Variants in ARHGAP10 observed in about 807,000 individuals in gnomAD.
ARHGAP10 encodes the protein rho GTPase-activating protein 10.
In ARHGAP10, 87 loss-of-function variants were observed where a neutral mutation model predicts 108.6. The ratio of observed to expected loss-of-function variants is 0.80; its 90% CI spans 0.67 to 0.96. ARHGAP10 has a LOEUF of 0.96. Ranked by LOEUF, ARHGAP10 falls within the 40% of genes least tolerant of loss-of-function variation. ARHGAP10 has a pLI of 0.00. For synonymous variants in ARHGAP10, 347 were observed against 341.1 expected, an observed-to-expected ratio of 1.02 and a Z score of -0.19; for missense variants, 939 against 954.5, an observed-to-expected ratio of 0.98 and a Z score of 0.21.
intron 3 of ARHGAP10, among the ~76,000 whole-genome samples, chr4:147,846,503 A>G (rs1353444004): frequency 1.3e-5 from 2 of 152,170 alleles, no homozygotes; most frequent in East Asian, 3.8e-4. Context: ...TTGTGGCTTA[A>G]CATGAAAATC....
Position 147,994,454 on chromosome 4 carries a change from G to C in ARHGAP10, c.1716+27615G>C, listed in dbSNP as rs190660298. 1.6e-3 allele frequency among the ~76,000 whole-genome samples: 238 copies of C among 152,322 alleles called. 1 individual carries two copies. The highest frequency in any genetic ancestry group is 5.1e-3 in the African/African-American group (214 of 41,576). Reference sequence around the variant, plus strand: ...TTACCAGAAGTGCACATGGGCTACAGATTTTAGCCTGTGCCAAAGTAAATC... The same window carrying C: ...TTACCAGAAGTGCACATGGGCTACACATTTTAGCCTGTGCCAAAGTAAATC... On this transcript the variant is annotated intron_variant, in intron 18 of 22. Coordinates refer to ENST00000336498, the MANE Select transcript of ARHGAP10 (RefSeq NM_024605.4).
At chr4:147,832,697 A>G (rs1733005233) in intron 3 of ARHGAP10, among the ~76,000 whole-genome samples, 1 of 146,730 alleles carries the variant, frequency 6.8e-6, no homozygotes, top group Non-Finnish European at 1.5e-5. Flanking sequence ...TGGAGTTTCT[A>G]CATCACTAAA....
At chr4:147,877,819 C>CTTTTTTTTTTTTTTTTTTTTTTTT (rs549355620) in intron 8 of ARHGAP10, among the ~76,000 whole-genome samples, 7 of 131,464 alleles carry the variant, frequency 5.3e-5, no homozygotes, top group African/African-American at 2.2e-4. Context: ...ATTCTTCATA[C>CTTTTTTTTTTTTTTTTTTTTTTTT]TTTTTTTTTT....
chr4:147,748,637 A>G (rs2126688944), intron 1 of ARHGAP10, among the ~76,000 whole-genome samples: 1 of 152,330 alleles, frequency 6.6e-6, no homozygotes, highest in Non-Finnish European at 1.5e-5. Flanking sequence ...GTGTATGCTT[A>G]TCTGCAAACA....
intron 18 of ARHGAP10, among the ~76,000 whole-genome samples, chr4:147,992,522 A>G (rs529105260): frequency 6.6e-6 from 1 of 152,082 alleles, no homozygotes; most frequent in East Asian, 1.9e-4. Flanking sequence ...ATTCTCTTGT[A>G]GCCCTCCTGA....
chr4:147,737,326 CT>C (rs5862810), intron 1 of ARHGAP10, among the ~76,000 whole-genome samples: 2,797 of 133,018 alleles, frequency 0.021, 22 homozygotes, highest in African/African-American at 0.032. Flanking sequence ...AATTTTTGTA[CT>C]TTTTTTTTTT....
At chr4:147,749,745 G>C (rs1056841702) in intron 1 of ARHGAP10, among the ~76,000 whole-genome samples, 7 of 152,178 alleles carry the variant, frequency 4.6e-5, no homozygotes, top group African/African-American at 1.7e-4. Flanking sequence ...TTGACAGTAG[G>C]TAGCTATTTG....
rs1730770097 is a variant in ARHGAP10 at position 147,784,739 on chromosome 4, TTA to T, written c.155-37985_155-37984del. Among the ~76,000 whole-genome samples the T allele has an allele frequency of 1.2e-4, 3 of 24,490 alleles. 1 individual carries two copies. The highest frequency in any genetic ancestry group is 1.9e-4 in the African/African-American group (3 of 15,794). 16.1% of individuals were successfully genotyped at this position (24,490 alleles called of 152,430 possible). On this transcript the variant is annotated intron_variant, in intron 1 of 22. Transcript: ENST00000336498. The stretch of plus-strand genomic sequence containing the variant: ...AATATAATATATTATAAAATATATA[TTA>T]TAAATATATATTATAAAATGTATAT...
At chr4:147,847,985 AC>A (rs1733702741) in intron 4 of ARHGAP10, among the ~76,000 whole-genome samples, 1 of 152,136 alleles carries the variant, frequency 6.6e-6, no homozygotes, top group Non-Finnish European at 1.5e-5. Context: ...CATGCTGTTG[AC>A]CATTTTTGGC....
chr4:148,046,426 C>T (rs1728886937), intron 19 of ARHGAP10, among the ~76,000 whole-genome samples: 1 of 152,116 alleles, frequency 6.6e-6, no homozygotes, highest in Non-Finnish European at 1.5e-5. Context: ...TCCAAGATAC[C>T]AGCTCAGTAA....
chr4:147,986,911 C>T (rs556400263), intron 18 of ARHGAP10, among the ~76,000 whole-genome samples: 98 of 152,214 alleles, frequency 6.4e-4, no homozygotes, highest in Middle Eastern at 3.4e-3. Flanking sequence ...ATTCTTAAGC[C>T]CTAGACTCTG....
chr4:147,798,730 T>A (rs1348721709), intron 1 of ARHGAP10, among the ~76,000 whole-genome samples: 5 of 11,434 alleles, frequency 4.4e-4, no homozygotes, highest in African/African-American at 1.1e-3. Flanking sequence ...AGACACTCTC[T>A]CTCTCTCTCT....
At chr4:147,912,453 A>C (rs1218995389) in intron 12 of ARHGAP10, among the ~76,000 whole-genome samples, 1 of 151,058 alleles carries the variant, frequency 6.6e-6, no homozygotes, top group Non-Finnish European at 1.5e-5. Flanking sequence ...AGGTGGAAGA[A>C]TCGCTTGAAC....
At chr4:147,853,313 CTTA>C (rs1733951783) in intron 4 of ARHGAP10, among the ~76,000 whole-genome samples, 1 of 152,204 alleles carries the variant, frequency 6.6e-6, no homozygotes, top group South Asian at 2.1e-4. Context: ...TTATTTTTCC[CTTA>C]TTAATGTTAT....
chr4:147,740,049 T>A (rs1261573242), intron 1 of ARHGAP10, among the ~76,000 whole-genome samples: 61 of 139,746 alleles, frequency 4.4e-4, no homozygotes, highest in Middle Eastern at 3.5e-3. Context: ...CTGGGTTACT[T>A]TTTTTTTTTT....
intron 1 of ARHGAP10, among the ~76,000 whole-genome samples, chr4:147,756,911 A>G (rs1168462632): frequency 1.3e-5 from 2 of 150,886 alleles, no homozygotes; most frequent in East Asian, 1.9e-4. Context: ...AGATTATAAG[A>G]AGAGGGAAGG....
At chr4:147,951,034 AG>A (rs1738579687) in intron 15 of ARHGAP10, among the ~76,000 whole-genome samples, 2 of 152,154 alleles carry the variant, frequency 1.3e-5, no homozygotes, top group South Asian at 4.1e-4. Flanking sequence ...TGAGAGTTGC[AG>A]TGACTCAGCA....
At chr4:147,958,524 C>T (rs943923757) in intron 16 of ARHGAP10, among the ~76,000 whole-genome samples, 3 of 152,130 alleles carry the variant, frequency 2.0e-5, no homozygotes, top group Non-Finnish European at 4.4e-5. Context: ...ATAAACATAT[C>T]TGGGAAGCAA....
chr4:148,001,632 C>A (rs545464522), intron 18 of ARHGAP10, among the ~76,000 whole-genome samples: 217 of 89,122 alleles, frequency 2.4e-3, no homozygotes, highest in African/African-American at 7.3e-3. Context: ...TCCTTCACAT[C>A]CCTTGTAAGT....
Sources: allele counts gnomAD v4.1 joint callset (sites outside exome capture counted in the v4.1 genomes callset), GRCh38; gene constraint gnomAD v4.1.1; transcripts MANE v1.5; gene names NCBI Gene and HGNC (gene_info 2026-07-23, HGNC 2026-07-21).